Variants in PHAF1 observed in about 807,000 individuals in gnomAD.
PHAF1 encodes phagosome assembly factor 1.
Under a neutral mutation model 63.1 loss-of-function variants are expected in PHAF1, and 23 were observed. The observed-to-expected ratio is 0.36, with a 90% CI of 0.26 to 0.52. The LOEUF (loss-of-function observed/expected upper bound fraction) is 0.52, where lower values mean the gene tolerates loss of function less well. PHAF1 is among the 20% of genes least tolerant of loss of function. The pLI is 0.93. For synonymous variants in PHAF1, 167 were observed against 185.0 expected, an observed-to-expected ratio of 0.90 and a Z score of 0.79; for missense variants, 427 against 517.2, an observed-to-expected ratio of 0.83 and a Z score of 1.69.
chr16:67,134,809 A>C, intron 8 of PHAF1: 1 of 455,126 alleles, frequency 2.2e-6, no homozygotes, highest in Non-Finnish European at 4.4e-6. Context: ...TGCTTCCATA[A>C]TGTAATCACC....
chr16:67,134,005 T>A (rs530620259), intron 6 of PHAF1, among the ~76,000 whole-genome samples, 163 bp from the exon 7 acceptor site: 1 of 150,754 alleles, frequency 6.6e-6, no homozygotes, highest in East Asian at 2.0e-4. Context: ...ACTTACATGG[T>A]TTTGGGGAGT....
chr16:67,125,100 G>T (rs1038240213), intron 2 of PHAF1, among the ~76,000 whole-genome samples: 1 of 152,140 alleles, frequency 6.6e-6, no homozygotes, highest in Non-Finnish European at 1.5e-5. Flanking sequence ...AGAGTGCTGT[G>T]TGCCAGGTAT....
intron 1 of PHAF1, among the ~76,000 whole-genome samples, chr16:67,119,155 G>A (rs1484871925): frequency 1.3e-5 from 2 of 152,144 alleles, no homozygotes; most frequent in Non-Finnish European, 2.9e-5. Flanking sequence ...AGAGACAGGT[G>A]CCAGAAAGGA....
At chr16:67,135,157 C>CT (rs200681751) in intron 8 of PHAF1, 6,452 of 158,778 alleles carry the variant, frequency 0.041, 195 homozygotes, top group South Asian at 0.077. Flanking sequence ...TTTTCTTTTT[C>CT]TTTTTTTTGA....
chr16:67,145,112 T>C (rs2029927359), intron 12 of PHAF1, among the ~76,000 whole-genome samples: 1 of 151,960 alleles, frequency 6.6e-6, no homozygotes, highest in Non-Finnish European at 1.5e-5. Context: ...AGGGGAGAGT[T>C]TCTTATCTAC....
At chr16:67,137,275 A>C (rs141276596) in intron 8 of PHAF1, among the ~76,000 whole-genome samples, 33 of 152,358 alleles carry the variant, frequency 2.2e-4, no homozygotes, top group Non-Finnish European at 4.0e-4. Flanking sequence ...AAGACAGAAC[A>C]ACCACTTAAA....
intron 8 of PHAF1, among the ~76,000 whole-genome samples, chr16:67,136,741 C>G (rs1755196861): frequency 6.6e-6 from 1 of 151,930 alleles, no homozygotes; most frequent in Non-Finnish European, 1.5e-5. Flanking sequence ...CACCACCACA[C>G]CCAGCTAATT....
At chr16:67,140,479 G>T in intron 9 of PHAF1, 32 bp from the exon 10 acceptor site, 1 of 1,474,998 alleles carries the variant, frequency 6.8e-7, no homozygotes, top group Non-Finnish European at 9.5e-7. Context: ...TAGAGGGATG[G>T]ATTTTAATTT....
At chr16:67,144,115 GA>G (rs1273244101) in intron 10 of PHAF1, among the ~76,000 whole-genome samples, 178 bp from the exon 11 acceptor site, 2 of 151,984 alleles carry the variant, frequency 1.3e-5, no homozygotes, top group African/African-American at 4.8e-5. Context: ...AAAGAAGAAA[GA>G]AAATGTCTAA....
intron 8 of PHAF1, chr16:67,134,975 A>T (rs1597209064): frequency 3.0e-6 from 1 of 329,984 alleles, no homozygotes; most frequent in East Asian, 8.0e-5. Context: ...TAGTTTTGTC[A>T]AGGGACTGGA....
intron 3 of PHAF1, among the ~76,000 whole-genome samples, chr16:67,126,658 G>T (rs1169163128): frequency 1.4e-5 from 2 of 140,498 alleles, no homozygotes; most frequent in Non-Finnish European, 3.0e-5. Context: ...GCAGTGGCTT[G>T]ATCTTGGCTC....
chr16:67,114,568 A>G (rs931774288), intron 1 of PHAF1, among the ~76,000 whole-genome samples: 11 of 151,884 alleles, frequency 7.2e-5, no homozygotes, highest in African/African-American at 2.4e-4. Flanking sequence ...AAGAAGAAAA[A>G]AAAAAAAAAC....
At chr16:67,134,918 T>C (rs1301343053) in intron 8 of PHAF1, 2 of 345,134 alleles carry the variant, frequency 5.8e-6, no homozygotes, top group Non-Finnish European at 1.1e-5. Context: ...TGCCACATAG[T>C]TGGTAGAAGA....
At position 67,118,829 on chromosome 16, in the gene PHAF1, A is replaced by G. The variant is rs558619010; in HGVS notation, c.65-1283A>G. On this transcript the variant is annotated intron_variant, in intron 1 of 15. Coordinates refer to ENST00000219139, the MANE Select transcript of PHAF1 (RefSeq NM_025187.5). ...TTGTCTGTCACCCAGGCGGGAGCAC[A>G]GTAGCACTTATCATGGCTCACTGCA... Among the ~76,000 whole-genome samples, 32 of 138,236 alleles carry G rather than the reference A, an allele frequency of 2.3e-4. No homozygotes were observed. In the South Asian group the frequency reaches 7.1e-3, roughly 31 times the overall value. 90.7% of individuals were successfully genotyped at this position (138,236 alleles called of 152,430 possible).
intron 1 of PHAF1, among the ~76,000 whole-genome samples, chr16:67,115,625 T>C (rs1365214416): frequency 1.3e-5 from 2 of 152,236 alleles, no homozygotes; most frequent in Non-Finnish European, 2.9e-5. Context: ...TTGTGCGGTT[T>C]AGAAGGCTGA....
chr16:67,134,961 TGTTTA>T, intron 8 of PHAF1: 1 of 329,934 alleles, frequency 3.0e-6, no homozygotes, highest in East Asian at 8.0e-5. Context: ...TTAAAGCTTT[TGTTTA>T]GTTTTGTCAA....
chr16:67,122,254 A>T (rs1963010102), intron 2 of PHAF1, among the ~76,000 whole-genome samples: 1 of 152,152 alleles, frequency 6.6e-6, no homozygotes, highest in Admixed American at 6.6e-5. Flanking sequence ...GTATTTGGGT[A>T]TAAACAGTGT....
rs1963519536 is a variant in PHAF1, at chr16:67,134,079, T to A, written c.451-89T>A. On this transcript the variant is annotated intron_variant, in intron 6 of 15. Transcript: ENST00000219139. Reference sequence around the variant, plus strand: ...ACTTTGACCCTTTGACCTGAGCAGCTCTTGAAGACCATGAGTGACAGGGAA... The same window carrying A: ...ACTTTGACCCTTTGACCTGAGCAGCACTTGAAGACCATGAGTGACAGGGAA... 6 of 1,151,816 alleles carry A rather than the reference T, an allele frequency of 5.2e-6. 1 individual carries two copies. The highest frequency in any genetic ancestry group is 7.7e-6 in the Non-Finnish European group (6 of 778,248). 71.3% of individuals were successfully genotyped at this position (1,151,816 alleles called of 1,614,324 possible).
chr16:67,126,498 C>A (rs1021583346), intron 3 of PHAF1, among the ~76,000 whole-genome samples: 1 of 151,882 alleles, frequency 6.6e-6, no homozygotes, highest in African/African-American at 2.4e-5. Flanking sequence ...TGTAAAAAAA[C>A]AACTTACTAA....
Sources: gnomAD v4.1 joint callset for allele counts (sites outside exome capture counted in the v4.1 genomes callset) on GRCh38, gnomAD v4.1.1 for gene constraint, MANE v1.5 for transcripts, NCBI Gene and HGNC (gene_info 2026-07-23, HGNC 2026-07-21) for gene names.